ROBO1: variants seen among roughly 807,000 people sequenced by gnomAD.
ROBO1 encodes the protein roundabout guidance receptor 1.
A neutral mutation model predicts 195.9 loss-of-function variants in ROBO1; 149 were observed. That is an observed-to-expected ratio of 0.76 (90% CI 0.67 to 0.87). The LOEUF (loss-of-function observed/expected upper bound fraction) is 0.87, where lower values mean the gene tolerates loss of function less well. Among genes scored for constraint, ROBO1 ranks in the 40% least tolerant of loss-of-function variants. ROBO1 has a pLI of 0.00. For synonymous variants in ROBO1, 816 were observed against 733.2 expected (o/e 1.11, Z -1.82); for missense variants, 1,933 against 2,068.3 (o/e 0.93, Z 1.27).
chr3:78,997,283 T>C (rs1453802186), intron 3 of ROBO1, among the ~76,000 whole-genome samples: 1 of 152,180 alleles, frequency 6.6e-6, no homozygotes, highest in East Asian at 1.9e-4. Context: ...CACTGTGAAA[T>C]ACATCTTTTT....
At chr3:79,120,376 C>T (rs954309066) in intron 3 of ROBO1, among the ~76,000 whole-genome samples, 19 of 152,006 alleles carry the variant, frequency 1.2e-4, no homozygotes, top group Non-Finnish European at 7.4e-5. Context: ...GTTGAATGGG[C>T]CCATCTAGTG....
intron 2 of ROBO1, among the ~76,000 whole-genome samples, chr3:79,274,044 T>C (rs993724568): frequency 2.6e-5 from 4 of 151,992 alleles, no homozygotes; most frequent in African/African-American, 9.7e-5. Flanking sequence ...AAGAAAGAGA[T>C]AGACCCCAAC....
At chr3:78,798,905 T>C (rs2084267329) in intron 4 of ROBO1, among the ~76,000 whole-genome samples, 1 of 152,116 alleles carries the variant, frequency 6.6e-6, no homozygotes. Flanking sequence ...GGATAGACCA[T>C]CAATAAGCTG....
At chr3:79,282,647 C>G (rs1280178000) in intron 2 of ROBO1, among the ~76,000 whole-genome samples, 1 of 152,134 alleles carries the variant, frequency 6.6e-6, no homozygotes, top group African/African-American at 2.4e-5. Context: ...AGATGTTTTA[C>G]CGTTAGCTGA....
chr3:79,469,925 T>C (rs1938175116), intron 2 of ROBO1, among the ~76,000 whole-genome samples: 1 of 152,160 alleles, frequency 6.6e-6, no homozygotes, highest in Non-Finnish European at 1.5e-5. Flanking sequence ...AGGACATCCA[T>C]ATAAAGTATC....
chr3:78,683,858 G>T (rs569926844), intron 10 of ROBO1, among the ~76,000 whole-genome samples: 1 of 151,588 alleles, frequency 6.6e-6, no homozygotes, highest in Non-Finnish European at 1.5e-5. Flanking sequence ...AGACATAGAA[G>T]AATATTTTCA....
chr3:79,096,770 G>T (rs1480121890), intron 3 of ROBO1, among the ~76,000 whole-genome samples: 13 of 150,752 alleles, frequency 8.6e-5, no homozygotes, highest in African/African-American at 3.2e-4. Context: ...ATATGTATAT[G>T]TCCAAAGAAG....
chr3:79,262,465 G>T (rs1014689380), intron 2 of ROBO1, among the ~76,000 whole-genome samples: 4 of 152,036 alleles, frequency 2.6e-5, no homozygotes, highest in South Asian at 2.1e-4. Flanking sequence ...TACAAGAAAA[G>T]AAACTTTTGT....
intron 2 of ROBO1, among the ~76,000 whole-genome samples, chr3:79,330,825 T>C (rs904519285): frequency 6.6e-6 from 1 of 152,218 alleles, no homozygotes; most frequent in Non-Finnish European, 1.5e-5. Context: ...TCTATTTCTT[T>C]CTCTCACTAG....
chr3:79,127,239 G>C (rs1461866830), intron 2 of ROBO1, among the ~76,000 whole-genome samples: 2 of 152,142 alleles, frequency 1.3e-5, no homozygotes, highest in Non-Finnish European at 2.9e-5. Flanking sequence ...AAAGAATGGG[G>C]AGCAGGCATT....
chr3:78,865,782 C>A (rs576810844), intron 4 of ROBO1, among the ~76,000 whole-genome samples: 1 of 152,004 alleles, frequency 6.6e-6, no homozygotes, highest in African/African-American at 2.4e-5. Context: ...TGGATGAACT[C>A]TTTTTTACTA....
intron 3 of ROBO1, among the ~76,000 whole-genome samples, chr3:79,069,911 A>T (rs2079058906): frequency 1.3e-5 from 2 of 151,804 alleles, no homozygotes; most frequent in Admixed American, 1.3e-4. Context: ...TCTTCTATTC[A>T]TTATGTTTTT....
chr3:79,239,878 C>T (rs1232598595), intron 2 of ROBO1, among the ~76,000 whole-genome samples: 1 of 152,046 alleles, frequency 6.6e-6, no homozygotes. Context: ...CTTTCTTTCC[C>T]CACCTACATT....
At chr3:78,635,527 ATTAAAT>A (rs1394036406) in intron 23 of ROBO1, among the ~76,000 whole-genome samples, 1 of 152,142 alleles carries the variant, frequency 6.6e-6, no homozygotes, top group Non-Finnish European at 1.5e-5. Flanking sequence ...CTCACCTGCT[ATTAAAT>A]TTAAATTAAT....
chr3:78,898,035 C>A (rs2037343338), intron 4 of ROBO1, among the ~76,000 whole-genome samples: 1 of 151,116 alleles, frequency 6.6e-6, no homozygotes, highest in African/African-American at 2.4e-5. Flanking sequence ...TAATTATGAA[C>A]TGTATTACAA....
chr3:78,608,535 T>C (rs73850723), intron 28 of ROBO1, among the ~76,000 whole-genome samples: 1,701 of 152,284 alleles, frequency 0.011, 30 homozygotes, highest in African/African-American at 0.039. Flanking sequence ...AGGAAATATG[T>C]ATCCTAATAT....
intron 1 of ROBO1, among the ~76,000 whole-genome samples, chr3:79,631,670 A>G (rs1017613708): frequency 6.6e-6 from 1 of 152,108 alleles, no homozygotes; most frequent in African/African-American, 2.4e-5. Context: ...CTTCACAGCA[A>G]AAGAAATAAT....
intron 4 of ROBO1, among the ~76,000 whole-genome samples, chr3:78,831,069 C>T (rs189514660): frequency 7.9e-5 from 12 of 152,022 alleles, no homozygotes; most frequent in South Asian, 4.2e-4. Context: ...CCCACCACCA[C>T]GCCTGGCTAA....
chr3:79,097,620 T>C (rs994824788), intron 3 of ROBO1, among the ~76,000 whole-genome samples: 3 of 151,818 alleles, frequency 2.0e-5, no homozygotes, highest in Non-Finnish European at 4.4e-5. Flanking sequence ...GATAAAAGAC[T>C]AGCACATTAA....
Sources: allele counts gnomAD v4.1 joint callset (sites outside exome capture counted in the v4.1 genomes callset), GRCh38; gene constraint gnomAD v4.1.1; transcripts MANE v1.5; gene names NCBI Gene and HGNC (gene_info 2026-07-23, HGNC 2026-07-21).